Variants in SUGP2 observed in about 807,000 individuals in gnomAD.
The protein encoded by SUGP2 is SURP and G-patch domain-containing protein 2.
SUGP2 carries 24 observed loss-of-function variants against 90.5 expected under a neutral mutation model. The ratio of observed to expected loss-of-function variants is 0.27; its 90% confidence interval spans 0.19 to 0.37. SUGP2 has a LOEUF of 0.37. Ranked by LOEUF, SUGP2 falls within the 10% of genes least tolerant of loss-of-function variation. The pLI is 1.00. For synonymous variants in SUGP2, 473 were observed against 513.4 expected (o/e 0.92, Z 1.06); for missense variants, 1,233 against 1,363.3 (o/e 0.90, Z 1.51).
chr19:19,021,058 C>T (rs2058705588), intron 3 of SUGP2, among the ~76,000 whole-genome samples: 2 of 145,134 alleles, frequency 1.4e-5, no homozygotes, highest in Admixed American at 7.3e-5. Context: ...ACTAGGGAGG[C>T]TGAGGCAGGA....
chr19:18,996,425 GT>G (rs1005553943), intron 8 of SUGP2, among the ~76,000 whole-genome samples: 5 of 151,956 alleles, frequency 3.3e-5, no homozygotes, highest in African/African-American at 9.7e-5. Flanking sequence ...ACTTGTGTGT[GT>G]TTTTTTTAAA....
At chr19:19,000,589 C>T (rs1234523597) in intron 8 of SUGP2, among the ~76,000 whole-genome samples, 1 of 152,180 alleles carries the variant, frequency 6.6e-6, no homozygotes, top group Non-Finnish European at 1.5e-5. Flanking sequence ...CAGGAGGAGA[C>T]ATAGGTCTCA....
At chr19:19,009,332 G>A (rs1392636794) in intron 5 of SUGP2, among the ~76,000 whole-genome samples, 1 of 152,132 alleles carries the variant, frequency 6.6e-6, no homozygotes, top group Non-Finnish European at 1.5e-5. Flanking sequence ...AGGAAGCACT[G>A]GCCAGAGAGC....
intron 4 of SUGP2, among the ~76,000 whole-genome samples, chr19:19,013,478 C>T (rs1445243993): frequency 1.3e-5 from 2 of 152,110 alleles, no homozygotes; most frequent in Admixed American, 6.6e-5. Context: ...AATGGCTAAT[C>T]GACACACATA....
chr19:19,018,410 G>A (rs1349094298), intron 4 of SUGP2, among the ~76,000 whole-genome samples: 4 of 150,692 alleles, frequency 2.7e-5, no homozygotes, highest in African/African-American at 7.3e-5. Context: ...TTGTTCGGCC[G>A]GGCGCGGTGG....
intron 6 of SUGP2, among the ~76,000 whole-genome samples, chr19:19,004,869 C>G (rs2058000517): frequency 6.6e-6 from 1 of 152,214 alleles, no homozygotes; most frequent in Non-Finnish European, 1.5e-5. Flanking sequence ...AGAAGCCTAA[C>G]TGCTTTCCAG....
intron 8 of SUGP2, among the ~76,000 whole-genome samples, chr19:19,000,299 G>A (rs1412291746): frequency 1.3e-5 from 2 of 152,192 alleles, no homozygotes; most frequent in African/African-American, 4.8e-5. Context: ...GACCTCCCTT[G>A]GCTTTCCCAA....
At chr19:18,994,659 C>T in intron 9 of SUGP2, 173 bp from the exon 10 acceptor site, 1 of 914,882 alleles carries the variant, frequency 1.1e-6, no homozygotes, top group Non-Finnish European at 1.6e-6. Context: ...GAGTACTCAC[C>T]CTCGAAGAGC....
intron 6 of SUGP2, among the ~76,000 whole-genome samples, chr19:19,006,525 A>G (rs1003083084): frequency 2.0e-5 from 3 of 152,166 alleles, no homozygotes; most frequent in African/African-American, 7.2e-5. Context: ...AACAAGTACT[A>G]CAGCCCAAGT....
Position 19,009,851 on chromosome 19 carries a change from C to T in SUGP2, c.2338+4G>A, listed in dbSNP as rs2058236482. The T allele has an allele frequency of 6.3e-7, 1 of 1,599,344 alleles. No individual in the cohort carries two copies. The highest frequency in any genetic ancestry group is 1.3e-5 in the African/African-American group (1 of 74,646). On this transcript the variant is annotated splice_donor_region_variant and intron_variant, in intron 5 of 10. Transcript: ENST00000452918. ...AGAGGAGGGGGACAGGAGTGAGCAC[C>T]CACTGTCAGCAGATGGGCAGGGAGA...
rs2057369141 is a variant in SUGP2 at position 18,991,687 on chromosome 19, G to A, written c.*2054C>T. ...TGTGTGCGCCTCGCTCGGGTCAATG[G>A]GCTGAGCCCCGCTTGGAGCTCCATC... On this transcript the variant is annotated 3_prime_UTR_variant, in exon 11 of 11. Transcript: ENST00000452918. The A allele has an allele frequency of 6.6e-6, 1 of 152,250 alleles. No homozygotes were observed. 9.4% of individuals were successfully genotyped at this position (152,250 alleles called of 1,614,324 possible).
chr19:19,033,656 C>T (rs1000800274), upstream of SUGP2: 2 of 892,342 alleles, frequency 2.2e-6, no homozygotes, highest in Admixed American at 4.9e-5. Context: ...GGCGGACGCT[C>T]TGGAGGCAAA....
Position 19,020,658 on chromosome 19 carries a change from C to T in SUGP2, c.1730-1429G>A, listed in dbSNP as rs1488044285. ...TCACCACATTGCTCAGGCTGGTCTCCAATTCTTGGGCTCAAGAGATCCACC... is the reference window on the plus strand; with the variant it reads ...TCACCACATTGCTCAGGCTGGTCTCTAATTCTTGGGCTCAAGAGATCCACC... On this transcript the variant is annotated intron_variant, in intron 3 of 10. Coordinates refer to ENST00000452918, the MANE Select transcript of SUGP2 (RefSeq NM_001017392.5). Among the ~76,000 whole-genome samples the T allele has an allele frequency of 3.3e-5, 5 of 151,588 alleles. No individual in the cohort carries two copies. In the Middle Eastern group the frequency reaches 0.017, roughly 519 times the overall value.
In SUGP2 at chr19:18,991,227, G is replaced by C. The variant is rs1468417722; in HGVS notation, c.*2514C>G. 1 of 152,272 alleles carries C rather than the reference G, an allele frequency of 6.6e-6. No homozygotes were observed. The highest frequency in any genetic ancestry group is 6.5e-5 in the Admixed American group (1 of 15,282). The allele number at this position is 152,272 out of a possible 1,614,324, so 9.4% of individuals were successfully genotyped here. ...TCACGCGCGACACGAGGATCCTGCAGAGCGGCCTCTGCAGAGAGCAAGGAC... is the reference window on the plus strand; with the variant it reads ...TCACGCGCGACACGAGGATCCTGCACAGCGGCCTCTGCAGAGAGCAAGGAC... On this transcript the variant is annotated 3_prime_UTR_variant, in exon 11 of 11. Coordinates refer to ENST00000452918, the MANE Select transcript of SUGP2 (RefSeq NM_001017392.5).
intron 8 of SUGP2, among the ~76,000 whole-genome samples, chr19:18,997,207 C>T (rs1599390404): frequency 1.3e-5 from 2 of 152,018 alleles, no homozygotes; most frequent in Admixed American, 6.6e-5. Context: ...GCTTCCCTAA[C>T]GTTAGGGGTG....
Position 19,009,970 on chromosome 19 carries a change from T to C in SUGP2, c.2223A>G (p.Pro741=). 2 of 1,614,156 alleles carry C rather than the reference T, an allele frequency of 1.2e-6. No homozygotes were observed. The highest frequency in any genetic ancestry group is 4.5e-5 in the East Asian group (2 of 44,880). Residue 741 remains proline, a synonymous_variant, in exon 5 of 11, where the codon CCA becomes CCG. Coordinates refer to ENST00000452918, the MANE Select transcript of SUGP2 (RefSeq NM_001017392.5). ...TGGGGTCCTGAGGAGAAGGTCCAAC[T>C]GGGTCTGGCGGGCAGTCCTTGGCAG... ...NDAAKDCPPD[P]VGPSPQDPSL...
At chr19:19,003,986 A>G (rs1225654527) in intron 7 of SUGP2, among the ~76,000 whole-genome samples, 182 bp downstream of exon 7, 1 of 152,272 alleles carries the variant, frequency 6.6e-6, no homozygotes, top group Admixed American at 6.5e-5. Flanking sequence ...CAGGGTAGCA[A>G]GGAAACATGT....
At position 18,992,057 on chromosome 19, in the gene SUGP2, CTT is replaced by C. The variant is rs766777133; in HGVS notation, c.*1682_*1683del. ...GTGGCTTAAAGAAAGCCAGGATTTC[CTT>C]TTTTTTTTTTGAGACAGAGTCTCGC... On this transcript the variant is annotated 3_prime_UTR_variant, in exon 11 of 11. Transcript: ENST00000452918. 1.4e-5 allele frequency: 2 copies of C among 145,500 alleles called. No homozygotes were observed. 9.0% of individuals were successfully genotyped at this position (145,500 alleles called of 1,614,324 possible). A position where few individuals can be genotyped will look rare whatever the true frequency, so the allele number is the denominator to read the frequency against.
At chr19:19,021,950 C>T (rs4808905) in intron 3 of SUGP2, among the ~76,000 whole-genome samples, 103,322 of 151,936 alleles carry the variant, frequency 0.68, 35,730 homozygotes, top group East Asian at 0.89. Flanking sequence ...TAGCTGCGAA[C>T]GACTGCACCC....
Sources: allele counts gnomAD v4.1 joint callset (sites outside exome capture counted in the v4.1 genomes callset), GRCh38; gene constraint gnomAD v4.1.1; transcripts MANE v1.5; gene names NCBI Gene and HGNC (gene_info 2026-07-23, HGNC 2026-07-21).